The following TMED9 variants were observed in gnomAD, a reference collection of about 807,000 sequenced individuals.
The protein encoded by TMED9 is transmembrane p24 trafficking protein 9.
TMED9 carries 22 observed loss-of-function variants against 30.6 expected under a neutral mutation model. The observed-to-expected ratio is 0.72, with a 90% confidence interval of 0.51 to 1.03. TMED9 has a LOEUF of 1.03. TMED9 is among the 50% of genes least tolerant of loss of function. The pLI, the probability that TMED9 is intolerant of heterozygous loss-of-function variation, is 0.00. For synonymous variants in TMED9, 146 were observed against 122.8 expected (o/e 1.19, Z -1.25); for missense variants, 251 against 302.1 (o/e 0.83, Z 1.25).
In TMED9 at chr5:177,595,485, T is replaced by G; in HGVS notation, c.*69T>G. On this transcript the variant is annotated 3_prime_UTR_variant, in exon 5 of 5. Coordinates refer to ENST00000332598, the MANE Select transcript of TMED9 (RefSeq NM_017510.6). ...AGGACCTCCTGGAACTGACTTCTTCTGTCAGGAGGACTGGTTTCCAGCCAT... is the reference window on the plus strand; with the variant it reads ...AGGACCTCCTGGAACTGACTTCTTCGGTCAGGAGGACTGGTTTCCAGCCAT... 1 of 1,522,814 alleles carries G rather than the reference T, an allele frequency of 6.6e-7. No individual in the cohort carries two copies. The highest frequency in any genetic ancestry group is 8.9e-7 in the Non-Finnish European group (1 of 1,124,026). The allele number at this position is 1,522,814 out of a possible 1,614,324, so 94.3% of individuals were successfully genotyped here. A position where few individuals can be genotyped will look rare whatever the true frequency, so the allele number is the denominator to read the frequency against.
At position 177,597,175 on chromosome 5, in the gene TMED9, C is replaced by G. The variant is rs1210094949; in HGVS notation, c.*1759C>G. 1.3e-5 allele frequency among the ~76,000 whole-genome samples: 2 copies of G among 151,828 alleles called. No individual in the cohort carries two copies. The highest frequency in any genetic ancestry group is 2.9e-5 in the Non-Finnish European group (2 of 67,948). On this transcript the variant is annotated 3_prime_UTR_variant, in exon 5 of 5. Coordinates refer to ENST00000332598, the MANE Select transcript of TMED9 (RefSeq NM_017510.6). ...CCTGTAATCCCAGCACTTTGGGAGG[C>G]TGAGGTAGGTGGATGGCCTGAGGCC...
intron 2 of TMED9, 64 bp from the exon 3 acceptor site, chr5:177,593,586 G>C: frequency 6.2e-7 from 1 of 1,601,614 alleles, no homozygotes; most frequent in Middle Eastern, 1.7e-4. Flanking sequence ...AGAGCCTTAA[G>C]CACTGTTTTC....
intron 1 of TMED9, 61 bp downstream of exon 1, chr5:177,592,459 T>C: frequency 6.4e-7 from 1 of 1,555,716 alleles, no homozygotes; most frequent in East Asian, 2.4e-5. Context: ...GGGCGGGGGA[T>C]GCGAGACAGT....
intron 2 of TMED9, chr5:177,593,232 A>G (rs1281377747): frequency 6.1e-6 from 1 of 165,152 alleles, no homozygotes; most frequent in East Asian, 1.8e-4. Context: ...AGGCTAAGGC[A>G]CGATAATTGC....
At chr5:177,594,656 A>G (rs1352467230) in intron 4 of TMED9, among the ~76,000 whole-genome samples, 1 of 152,224 alleles carries the variant, frequency 6.6e-6, no homozygotes, top group Non-Finnish European at 1.5e-5. Context: ...ACCCATCTAA[A>G]CAAGCACAGC....
Position 177,593,676 on chromosome 5 carries a change from C to G in TMED9, c.312C>G (p.Ser104=). The change falls in exon 3 of 5, where the codon TCC becomes TCG. Residue 104 remains serine, a synonymous_variant. Coordinates refer to ENST00000332598, the MANE Select transcript of TMED9 (RefSeq NM_017510.6). ...TCATCCTGGCCCGGCAGTATGGCTC[C>G]GAGGGCAGGTTCACTTTCACTTCCC... ...DKVILARQYG[S]EGRFTFTSHT... 1 of 1,614,138 alleles carries G rather than the reference C, an allele frequency of 6.2e-7. No individual in the cohort carries two copies. The highest frequency in any genetic ancestry group is 8.5e-7 in the Non-Finnish European group (1 of 1,180,006).
intron 4 of TMED9, 117 bp downstream of exon 4, chr5:177,594,402 G>A: frequency 2.4e-6 from 3 of 1,272,312 alleles, no homozygotes; most frequent in Non-Finnish European, 3.3e-6. Context: ...GCACTGCATT[G>A]TAGGTCGTGG....
rs778354645 is a variant in TMED9, at chr5:177,593,662, C to A, written c.298C>A (p.Arg100=). The A allele has an allele frequency of 6.2e-7, 1 of 1,614,142 alleles. No homozygotes were observed. Among genetic ancestry groups the A allele is most frequent in the Non-Finnish European group, 8.5e-7 (1 of 1,180,002 alleles). The change falls in exon 3 of 5, where the codon CGG becomes AGG. Residue 100 remains arginine (R), a synonymous_variant. Coordinates refer to ENST00000332598, the MANE Select transcript of TMED9 (RefSeq NM_017510.6). ...TACCTTCCTCCAGGTCATCCTGGCCCGGCAGTATGGCTCCGAGGGCAGGTT... is the reference window on the plus strand; with the variant it reads ...TACCTTCCTCCAGGTCATCCTGGCCAGGCAGTATGGCTCCGAGGGCAGGTT... ...KDPEDKVILA[R]QYGSEGRFTF...
rs994708561 is a variant in TMED9, at chr5:177,594,424, C to T, written c.558+139C>T. On this transcript the variant is annotated intron_variant, in intron 4 of 4. Coordinates refer to ENST00000332598, the MANE Select transcript of TMED9 (RefSeq NM_017510.6). ...ATTGTAGGTCGTGGGGCGGGTATTA[C>T]TAACTCGACCTTGTAATTGAGGATA... The T allele has an allele frequency of 5.1e-6, 5 of 979,248 alleles. No homozygotes were observed. The South Asian group carries it at 8.5e-5, about 17-fold the overall frequency. 60.7% of individuals were successfully genotyped at this position (979,248 alleles called of 1,614,324 possible).
chr5:177,592,939 T>A (rs1329178471), intron 2 of TMED9, among the ~76,000 whole-genome samples: 1 of 152,134 alleles, frequency 6.6e-6, no homozygotes, highest in East Asian at 1.9e-4. Flanking sequence ...TGAGCAGCTT[T>A]TAATCTTCCC....
chr5:177,596,492 A>C lies in TMED9; in HGVS notation c.*1076A>C, dbSNP rs1418760360. On this transcript the variant is annotated 3_prime_UTR_variant, in exon 5 of 5. Coordinates refer to ENST00000332598, the MANE Select transcript of TMED9 (RefSeq NM_017510.6). ...TGGGCTGGCAGGGACAAGGATGTTG[A>C]TGGGCTAAACCAACAGCAAGTGATT... 1.3e-5 allele frequency among the ~76,000 whole-genome samples: 2 copies of C among 152,184 alleles called. No homozygotes were observed. Among genetic ancestry groups the C allele is most frequent in the African/African-American group, 4.8e-5 (2 of 41,456 alleles).
chr5:177,593,542 C>T (rs759633663), intron 2 of TMED9, 108 bp from the exon 3 acceptor site: 48 of 1,394,770 alleles, frequency 3.4e-5, no homozygotes, highest in South Asian at 5.2e-5. Context: ...TTGTGAGGTG[C>T]GAAAGGCTGT....
chr5:177,593,914 C>G, intron 3 of TMED9, 139 bp downstream of exon 3: 3 of 1,322,258 alleles, frequency 2.3e-6, no homozygotes, highest in Non-Finnish European at 3.2e-6. Context: ...ACTGGATGTC[C>G]AGGACACAGT....
Position 177,592,289 on chromosome 5 carries a change from C to G in TMED9, c.75C>G (p.Leu25=), listed in dbSNP as rs564805024. The change falls in exon 1 of 5, where the codon CTC becomes CTG. Residue 25 remains leucine, a synonymous_variant. Coordinates refer to ENST00000332598, the MANE Select transcript of TMED9 (RefSeq NM_017510.6). ...GGCTGGGTAGAGTGATGCGGACCCT[C>G]CTGCTGGTGCTGTGGCTGGCGACGC... is the stretch of plus-strand genomic sequence containing the variant. ...GTGLGRVMRT[L]LLVLWLATRG... is the part of the protein sequence containing the mutation. The G allele has an allele frequency of 1.9e-6, 3 of 1,611,780 alleles. No homozygotes were observed. The South Asian group carries it at 3.3e-5, about 18-fold the overall frequency.
Position 177,596,780 on chromosome 5 carries a change from T to C in TMED9, c.*1364T>C, listed in dbSNP as rs1433877788. ...AGCTGAAGGCAGCAGCTTGGCTGGC[T>C]TAATACTGAGCAGGTGGTGGGGTAA... is the stretch of plus-strand genomic sequence containing the variant. On this transcript the variant is annotated 3_prime_UTR_variant, in exon 5 of 5. Transcript: ENST00000332598. Among the ~76,000 whole-genome samples, 1 of 152,172 alleles carries C rather than the reference T, an allele frequency of 6.6e-6. No individual in the cohort carries two copies. The highest frequency in any genetic ancestry group is 1.5e-5 in the Non-Finnish European group (1 of 68,032).
chr5:177,593,155 CAAAAAAAAAA>C, intron 2 of TMED9: 1 of 95,700 alleles, frequency 1.0e-5, no homozygotes, highest in East Asian at 2.9e-4. Flanking sequence ...AGTAAAAATA[CAAAAAAAAAA>C]AAAAAAAAAA....
chr5:177,595,319 TG>T lies in TMED9; in HGVS notation c.612del (p.Trp205GlyfsTer52). On this transcript the variant is annotated frameshift_variant, in exon 5 of 5. Coordinates refer to ENST00000332598, the MANE Select transcript of TMED9 (RefSeq NM_017510.6). LOFTEE classifies it high-confidence loss of function. Reference protein sequence around the residue: ...QTSESTNQRVLWWSILQTLIL... With the variant: ...QTSESTNQRVXWWSILQTLIL... The stretch of plus-strand genomic sequence containing the variant: ...AGTGAGAGCACCAACCAGCGGGTGC[TG>T]TGGTGGTCCATTCTGCAGACCCTCA... 6.2e-7 allele frequency: 1 copy of T among 1,611,828 alleles called. No homozygotes were observed. The highest frequency in any genetic ancestry group is 8.5e-7 in the Non-Finnish European group (1 of 1,178,450).
chr5:177,593,765 G>A lies in TMED9; in HGVS notation c.401G>A (p.Gly134Glu). 2 of 1,614,138 alleles carry A rather than the reference G, an allele frequency of 1.2e-6. No individual in the cohort carries two copies. The highest frequency in any genetic ancestry group is 1.7e-6 in the Non-Finnish European group (2 of 1,179,998). ...SNSTKFSLFA[G>E]GMLRVHLDIQ... ...TCCACCAAGTTCTCCCTCTTTGCTG[G>A]AGGCATGCTGGTAAGTGGGCCCATG... Residue 134 changes from glycine to glutamate, a missense_variant, in exon 3 of 5, where the codon GGA (glycine) becomes GAA (glutamate). This residue lies in a region of TMED9 where 153 missense variants were observed against 239.6 expected (regional missense o/e 0.64). Coordinates refer to ENST00000332598, the MANE Select transcript of TMED9 (RefSeq NM_017510.6).
In TMED9 at chr5:177,592,684, ACCG is replaced by A. The variant is rs1767612161; in HGVS notation, c.285+12_285+14del. 3 of 1,458,064 alleles carry A rather than the reference ACCG, an allele frequency of 2.1e-6. No individual in the cohort carries two copies. Among genetic ancestry groups the A allele is most frequent in the Non-Finnish European group, 1.9e-6 (2 of 1,069,242 alleles). 90.3% of individuals were successfully genotyped at this position (1,458,064 alleles called of 1,614,324 possible). On this transcript the variant is annotated intron_variant, in intron 2 of 4. Transcript: ENST00000332598. ...AGGACCCAGAGGACAAGGTGAGCCA[ACCG>A]CCCCCCTCCTCTCCGCCAGCCTCTC...
Sources: gnomAD v4.1 joint callset for allele counts (sites outside exome capture counted in the v4.1 genomes callset) on GRCh38, gnomAD v4.1.1 for gene constraint, gnomAD v4.1.1 regional missense constraint, MANE v1.5 for transcripts, NCBI Gene and HGNC (gene_info 2026-07-23, HGNC 2026-07-21) for gene names.